Variants in CHRM3 observed in about 807,000 individuals in gnomAD.
CHRM3 encodes the protein cholinergic receptor muscarinic 3.
Under a neutral mutation model 41.8 loss-of-function variants are expected in CHRM3, and 11 were observed. The ratio of observed to expected loss-of-function variants is 0.26; its 90% CI spans 0.17 to 0.44. The LOEUF is 0.44. Ranked by LOEUF, CHRM3 falls within the 20% of genes least tolerant of loss-of-function variation. The pLI, the probability that CHRM3 is intolerant of heterozygous loss-of-function variation, is 1.00. For missense variants in CHRM3, 571 were observed against 745.4 expected (o/e 0.77, Z 2.72); for synonymous variants, 297 against 301.4 (o/e 0.99, Z 0.15).
intron 4 of CHRM3, among the ~76,000 whole-genome samples, chr1:239,656,166 A>AG (rs113210816): frequency 6.6e-6 from 1 of 151,854 alleles, no homozygotes; most frequent in African/African-American, 2.4e-5. Flanking sequence ...GAGGGAAGGA[A>AG]GGGGGGGAAA....
At chr1:239,466,274 T>C (rs1371594417) in intron 1 of CHRM3, among the ~76,000 whole-genome samples, 1 of 152,040 alleles carries the variant, frequency 6.6e-6, no homozygotes, top group Non-Finnish European at 1.5e-5. Context: ...GGATTACAGG[T>C]GTGAGCTACC....
intron 3 of CHRM3, among the ~76,000 whole-genome samples, chr1:239,565,802 G>T (rs1434268043): frequency 6.6e-6 from 1 of 151,352 alleles, no homozygotes; most frequent in Non-Finnish European, 1.5e-5. Flanking sequence ...CTCTGATCTG[G>T]TCTTGTTTTA....
chr1:239,439,208 G>T (rs1663511056), intron 1 of CHRM3, among the ~76,000 whole-genome samples: 1 of 152,084 alleles, frequency 6.6e-6, no homozygotes, highest in Admixed American at 6.6e-5. Context: ...TTTGAAACAT[G>T]GTCCTTAGGT....
At chr1:239,606,809 T>C (rs141412384) in intron 3 of CHRM3, among the ~76,000 whole-genome samples, 42 of 152,292 alleles carry the variant, frequency 2.8e-4, no homozygotes, top group African/African-American at 9.6e-4. Flanking sequence ...AAATTAACTT[T>C]AAATTCTAAT....
At chr1:239,454,885 G>C (rs553897166) in intron 1 of CHRM3, among the ~76,000 whole-genome samples, 1 of 152,080 alleles carries the variant, frequency 6.6e-6, no homozygotes. Flanking sequence ...CTCACTACCC[G>C]TGCATGTGTA....
intron 1 of CHRM3, among the ~76,000 whole-genome samples, chr1:239,402,693 A>G (rs1324543397): frequency 6.6e-6 from 1 of 152,186 alleles, no homozygotes; most frequent in African/African-American, 2.4e-5. Flanking sequence ...TCAGGAAAAT[A>G]TGGTCGTCCC....
At chr1:239,711,512 A>C (rs1012594836) in intron 5 of CHRM3, among the ~76,000 whole-genome samples, 3 of 151,884 alleles carry the variant, frequency 2.0e-5, no homozygotes, top group African/African-American at 7.3e-5. Context: ...AGAAATAATA[A>C]ATTATTGTTA....
chr1:239,490,479 T>C (rs536074462), intron 1 of CHRM3, among the ~76,000 whole-genome samples: 19 of 152,312 alleles, frequency 1.2e-4, no homozygotes, highest in African/African-American at 4.6e-4. Flanking sequence ...AAATAAGGAC[T>C]GTTACACTTG....
chr1:239,583,164 T>C (rs1663064428), intron 3 of CHRM3, among the ~76,000 whole-genome samples: 2 of 152,168 alleles, frequency 1.3e-5, no homozygotes, highest in East Asian at 3.8e-4. Context: ...AAATTCTGTG[T>C]GGGCTGTGTG....
At chr1:239,633,783 G>A (rs1047782515) in intron 4 of CHRM3, among the ~76,000 whole-genome samples, 2 of 134,160 alleles carry the variant, frequency 1.5e-5, no homozygotes, top group African/African-American at 5.5e-5. Flanking sequence ...GGAGCAGGAA[G>A]ATAAAATGAG....
chr1:239,446,980 A>G lies in CHRM3; in HGVS notation c.-520-45729A>G, dbSNP rs1009531662. The stretch of plus-strand genomic sequence containing the variant: ...AATAGTTAAAATAATGATATTCAGA[A>G]TAAAAGGATTTTGTTGTTGTTAATG... On this transcript the variant is annotated intron_variant, in intron 1 of 6. Transcript: ENST00000676153. Among the ~76,000 whole-genome samples the G allele has an allele frequency of 5.9e-5, 9 of 152,220 alleles. No homozygotes were observed. In the East Asian group the frequency reaches 7.7e-4, roughly 13 times the overall value.
chr1:239,759,429 C>T (rs73122580), intron 5 of CHRM3, among the ~76,000 whole-genome samples: 9,429 of 151,408 alleles, frequency 0.062, 717 homozygotes, highest in African/African-American at 0.17. Context: ...TTTTAAAAGC[C>T]GCAGCAAAGG....
chr1:239,874,755 A>G (rs1676973375), intron 6 of CHRM3, among the ~76,000 whole-genome samples: 1 of 151,468 alleles, frequency 6.6e-6, no homozygotes, highest in Non-Finnish European at 1.5e-5. Context: ...CTGGAGTGCA[A>G]TGGCGTGATC....
intron 1 of CHRM3, among the ~76,000 whole-genome samples, chr1:239,490,407 T>C (rs1667478599): frequency 2.0e-5 from 3 of 152,126 alleles, no homozygotes; most frequent in Non-Finnish European, 4.4e-5. Context: ...GACCTTGAGA[T>C]CCTCCTTCTC....
intron 2 of CHRM3, among the ~76,000 whole-genome samples, chr1:239,503,422 A>G (rs1477483139): frequency 6.6e-6 from 1 of 152,204 alleles, no homozygotes; most frequent in Non-Finnish European, 1.5e-5. Flanking sequence ...GATGACACAA[A>G]TGGAAACACA....
At chr1:239,435,047 A>G (rs1452743861) in intron 1 of CHRM3, among the ~76,000 whole-genome samples, 1 of 152,138 alleles carries the variant, frequency 6.6e-6, no homozygotes, top group Non-Finnish European at 1.5e-5. Context: ...CTTTCTATTA[A>G]TAAATGTTTA....
rs559672320 is a variant in CHRM3 at position 239,759,449 on chromosome 1, C to G, written c.-146-67803C>G. Among the ~76,000 whole-genome samples, 4 of 151,984 alleles carry G rather than the reference C, an allele frequency of 2.6e-5. 1 individual carries two copies. The South Asian group carries it at 8.3e-4, about 31-fold the overall frequency. On this transcript the variant is annotated intron_variant, in intron 5 of 6. Coordinates refer to ENST00000676153, the MANE Select transcript of CHRM3 (RefSeq NM_001375978.1). ...AAAGCCGCAGCAAAGGAAATCACAG[C>G]CTTTTTGGCCAAATAAATCTTGGCC...
At chr1:239,453,029 T>A (rs548931267) in intron 1 of CHRM3, among the ~76,000 whole-genome samples, 80 of 152,252 alleles carry the variant, frequency 5.3e-4, no homozygotes, top group Non-Finnish European at 1.0e-3. Context: ...CTGGATCTCC[T>A]GACCTCGTGA....
chr1:239,787,844 G>A (rs1669032103), intron 5 of CHRM3, among the ~76,000 whole-genome samples: 1 of 152,126 alleles, frequency 6.6e-6, no homozygotes, highest in Admixed American at 6.5e-5. Context: ...TCATATTTGG[G>A]AATTAAATGT....
Sources: allele counts gnomAD v4.1 joint callset (sites outside exome capture counted in the v4.1 genomes callset), GRCh38; gene constraint gnomAD v4.1.1; transcripts MANE v1.5; gene names NCBI Gene and HGNC (gene_info 2026-07-23, HGNC 2026-07-21).